WWOX: variants seen among roughly 807,000 people sequenced by gnomAD.
WWOX encodes the protein WW domain containing oxidoreductase.
WWOX carries 69 observed loss-of-function variants against 46.2 expected under a neutral mutation model. That is an observed-to-expected ratio of 1.49 (90% CI 1.23 to 1.82). The LOEUF is 1.82. Among genes scored for constraint, WWOX ranks in the 40% most tolerant of loss-of-function variants. WWOX has a pLI of 0.00. For missense variants in WWOX, 919 were observed against 542.6 expected (o/e 1.69, Z -6.89); for synonymous variants, 359 against 202.6 (o/e 1.77, Z -6.56).
chr16:78,721,285 T>A (rs2048683437), intron 8 of WWOX, among the ~76,000 whole-genome samples: 2 of 152,342 alleles, frequency 1.3e-5, no homozygotes, highest in Admixed American at 1.3e-4. Context: ...ACTACTTCTT[T>A]CCATTATTCT....
At chr16:78,828,861 T>G (rs1046328252) in intron 8 of WWOX, among the ~76,000 whole-genome samples, 1 of 152,222 alleles carries the variant, frequency 6.6e-6, no homozygotes, top group Non-Finnish European at 1.5e-5. Flanking sequence ...CAGCATTTTC[T>G]GCATTGCATT....
At chr16:78,496,333 A>G (rs1462816835) in intron 8 of WWOX, 2 of 152,254 alleles carry the variant, frequency 1.3e-5, no homozygotes, top group African/African-American at 4.8e-5. Flanking sequence ...CCTCTTCTAA[A>G]GTTATAGATG....
At chr16:79,175,596 C>G (rs2050784400) in intron 8 of WWOX, among the ~76,000 whole-genome samples, 1 of 152,188 alleles carries the variant, frequency 6.6e-6, no homozygotes, top group Non-Finnish European at 1.5e-5. Flanking sequence ...GTAGGTAGTT[C>G]ATAGGGCTCC....
intron 6 of WWOX, among the ~76,000 whole-genome samples, chr16:78,409,399 C>A (rs183247258): frequency 1.3e-5 from 2 of 152,084 alleles, no homozygotes; most frequent in African/African-American, 2.4e-5. Flanking sequence ...CCCCTGGGAA[C>A]CATTGATCTT....
chr16:78,362,994 G>C (rs1326724096), intron 5 of WWOX, among the ~76,000 whole-genome samples: 1 of 152,162 alleles, frequency 6.6e-6, no homozygotes, highest in Non-Finnish European at 1.5e-5. Context: ...CAATATTCAA[G>C]TCTTCAGTTC....
intron 5 of WWOX, among the ~76,000 whole-genome samples, chr16:78,333,942 T>TTGC (rs10642176): frequency 0.22 from 33,007 of 151,940 alleles, 4,206 homozygotes; most frequent in African/African-American, 0.36. Context: ...TTTAGAAACC[T>TTGC]TGCGTGATCC....
chr16:79,059,432 A>G (rs1174071311), intron 8 of WWOX, among the ~76,000 whole-genome samples: 1 of 152,234 alleles, frequency 6.6e-6, no homozygotes, highest in African/African-American at 2.4e-5. Flanking sequence ...ACCTGCATAT[A>G]AAGTAGAAAC....
intron 8 of WWOX, among the ~76,000 whole-genome samples, chr16:78,949,251 G>A (rs1030884255): frequency 6.6e-6 from 1 of 152,116 alleles, no homozygotes; most frequent in Non-Finnish European, 1.5e-5. Context: ...AAACCCACCT[G>A]AGCCACTCTT....
At chr16:78,692,338 G>T (rs1232869789) in intron 8 of WWOX, among the ~76,000 whole-genome samples, 1 of 152,198 alleles carries the variant, frequency 6.6e-6, no homozygotes, top group Non-Finnish European at 1.5e-5. Context: ...AGGACTTAAA[G>T]AAACCATAGC....
At chr16:79,138,773 C>G (rs770761367) in intron 8 of WWOX, among the ~76,000 whole-genome samples, 27 of 152,206 alleles carry the variant, frequency 1.8e-4, no homozygotes, top group Non-Finnish European at 3.7e-4. Flanking sequence ...ACTGACATCT[C>G]ATTTCTCTTT....
chr16:78,465,448 G>A (rs1191398477), intron 8 of WWOX, among the ~76,000 whole-genome samples: 4 of 152,166 alleles, frequency 2.6e-5, no homozygotes, highest in Admixed American at 1.3e-4. Flanking sequence ...CCGAAGTGCT[G>A]GGATTACAGG....
chr16:78,638,442 C>T (rs574392008), intron 8 of WWOX, among the ~76,000 whole-genome samples: 193 of 151,772 alleles, frequency 1.3e-3, no homozygotes, highest in African/African-American at 4.4e-3. Context: ...TTTTTGTTTC[C>T]TCTGCAAGCA....
At chr16:78,810,812 C>G (rs1051796605) in intron 8 of WWOX, among the ~76,000 whole-genome samples, 1 of 152,124 alleles carries the variant, frequency 6.6e-6, no homozygotes, top group Admixed American at 6.5e-5. Flanking sequence ...GGAAAAAAAA[C>G]TCCCTAAAAA....
intron 8 of WWOX, among the ~76,000 whole-genome samples, chr16:78,511,690 G>A (rs1482565028): frequency 2.0e-5 from 3 of 152,152 alleles, no homozygotes; most frequent in Non-Finnish European, 4.4e-5. Context: ...CCCGCCTAGG[G>A]TGCTGCTAAT....
chr16:78,936,801 A>G (rs917579914), intron 8 of WWOX, among the ~76,000 whole-genome samples: 2 of 152,186 alleles, frequency 1.3e-5, no homozygotes, highest in African/African-American at 2.4e-5. Context: ...AAGTATGTCT[A>G]GAGTATGGTT....
intron 5 of WWOX, among the ~76,000 whole-genome samples, chr16:78,362,811 C>T (rs1175862062): frequency 6.6e-6 from 1 of 152,178 alleles, no homozygotes; most frequent in African/African-American, 2.4e-5. Flanking sequence ...CTTTAATCAT[C>T]TCACAATCTT....
chr16:78,519,578 C>T (rs1471923700), intron 8 of WWOX, among the ~76,000 whole-genome samples: 1 of 151,984 alleles, frequency 6.6e-6, no homozygotes, highest in African/African-American at 2.4e-5. Context: ...TGCATCCCCC[C>T]AAAATTCACA....
At chr16:78,892,963 A>G (rs563274619) in intron 8 of WWOX, among the ~76,000 whole-genome samples, 5 of 152,322 alleles carry the variant, frequency 3.3e-5, no homozygotes, top group Admixed American at 6.5e-5. Flanking sequence ...AGGTAGCTTA[A>G]CAGTAATGCC....
At chr16:78,500,839 G>A (rs533793123) in intron 8 of WWOX, among the ~76,000 whole-genome samples, 51 of 152,286 alleles carry the variant, frequency 3.3e-4, no homozygotes, top group African/African-American at 1.1e-3. Flanking sequence ...GTACAACAGC[G>A]CCTGTGCTGG....
Sources: allele counts gnomAD v4.1 joint callset (sites outside exome capture counted in the v4.1 genomes callset), GRCh38; gene constraint gnomAD v4.1.1; transcripts MANE v1.5; gene names NCBI Gene and HGNC (gene_info 2026-07-23, HGNC 2026-07-21).